OTOGL: variants seen among roughly 807,000 people sequenced by gnomAD.
The protein encoded by OTOGL is otogelin-like protein.
In OTOGL, 285 loss-of-function variants were observed where a neutral mutation model predicts 318.5. The observed-to-expected ratio is 0.89, with a 90% CI of 0.81 to 0.99. The LOEUF is 0.99. OTOGL is among the 50% of genes least tolerant of loss of function. The pLI is 0.00. For synonymous variants in OTOGL, 987 were observed against 936.5 expected, an observed-to-expected ratio of 1.05 and a Z score of -0.99; for missense variants, 2,899 against 2,845.6, an observed-to-expected ratio of 1.02 and a Z score of -0.43.
In OTOGL at chr12:80,252,685, C is replaced by A. The variant is rs139332655; in HGVS notation, c.1285+484C>A. ...AAGAACACTGAGGATTTACTCAAACCCTTTTTATTTTTACAGATTAAAAAA... is the reference window on the plus strand; with the variant it reads ...AAGAACACTGAGGATTTACTCAAACACTTTTTATTTTTACAGATTAAAAAA... On this transcript the variant is annotated intron_variant, in intron 13 of 58. Coordinates refer to ENST00000547103, the MANE Select transcript of OTOGL (RefSeq NM_001378609.3). 9.9e-5 allele frequency among the ~76,000 whole-genome samples: 15 copies of A among 152,072 alleles called. No individual in the cohort carries two copies. In the East Asian group the frequency reaches 2.5e-3, roughly 25 times the overall value.
At chr12:80,109,164 G>A (rs1214089910) in intron 1 of OTOGL, among the ~76,000 whole-genome samples, 1 of 151,614 alleles carries the variant, frequency 6.6e-6, no homozygotes, top group Non-Finnish European at 1.5e-5. Flanking sequence ...AGAAGACTGA[G>A]TATGGAATGA....
At position 80,225,056 on chromosome 12, in the gene OTOGL, TAAA is replaced by T. The variant is rs1208068466; in HGVS notation, c.489+2815_489+2817del. Among the ~76,000 whole-genome samples the T allele has an allele frequency of 3.3e-5, 5 of 151,310 alleles. No homozygotes were observed. The East Asian group carries it at 9.7e-4, about 29-fold the overall frequency. The stretch of plus-strand genomic sequence containing the variant: ...ACTATGTAACCACAAAAATCAAAAA[TAAA>T]AAACTAAACAAAATAACAAATGTAT... On this transcript the variant is annotated intron_variant, in intron 7 of 58. Coordinates refer to ENST00000547103, the MANE Select transcript of OTOGL (RefSeq NM_001378609.3).
intron 44 of OTOGL, among the ~76,000 whole-genome samples, chr12:80,347,254 C>T (rs900164305): frequency 2.6e-5 from 4 of 152,102 alleles, no homozygotes; most frequent in South Asian, 2.1e-4. Flanking sequence ...CCCATCAACC[C>T]GTCATCTACA....
rs538136226 is a variant in OTOGL at position 80,201,398 on chromosome 12, G to C, written c.-19-8015G>C. 1.8e-4 allele frequency among the ~76,000 whole-genome samples: 28 copies of C among 152,188 alleles called. 1 individual carries two copies. The highest frequency in any genetic ancestry group is 3.5e-4 in the Non-Finnish European group (24 of 67,996). ...AGGGGGAGCAGGACTGTCACATAGC[G>C]AGAGAGGGAGCAAGAGAGCGAGGTG... On this transcript the variant is annotated intron_variant, in intron 1 of 58. Transcript: ENST00000547103.
chr12:80,353,004 G>A (rs1889647853), intron 45 of OTOGL, among the ~76,000 whole-genome samples: 1 of 152,124 alleles, frequency 6.6e-6, no homozygotes. Flanking sequence ...CATAATAGTT[G>A]ATTGTATATT....
chr12:80,264,176 A>G (rs923874948), intron 19 of OTOGL, among the ~76,000 whole-genome samples: 28 of 152,174 alleles, frequency 1.8e-4, no homozygotes, highest in African/African-American at 6.5e-4. Flanking sequence ...AAGGAAAACT[A>G]GGTCCACGAT....
intron 1 of OTOGL, among the ~76,000 whole-genome samples, chr12:80,168,118 T>C (rs964270856): frequency 2.0e-5 from 3 of 151,986 alleles, no homozygotes; most frequent in African/African-American, 7.2e-5. Flanking sequence ...CCACCACACC[T>C]GGCTATTTTT....
intron 1 of OTOGL, among the ~76,000 whole-genome samples, chr12:80,121,382 G>C (rs1264090040): frequency 6.6e-6 from 1 of 152,092 alleles, no homozygotes; most frequent in Admixed American, 6.6e-5. Flanking sequence ...TCCTCCTTCA[G>C]ATATTTTGGA....
chr12:80,215,776 T>C lies in OTOGL; in HGVS notation c.169-1822T>C, dbSNP rs146477496. Among the ~76,000 whole-genome samples, 721 of 152,222 alleles carry C rather than the reference T, an allele frequency of 4.7e-3. 3 individuals carry two copies. Among genetic ancestry groups the C allele is most frequent in the Middle Eastern group, 0.027 (8 of 292 alleles). ...TGTCCAGTAATATCCAGGGCTGTGTTAGATTTAGGCAGCCAGAAGCAATGT... is the reference window on the plus strand; with the variant it reads ...TGTCCAGTAATATCCAGGGCTGTGTCAGATTTAGGCAGCCAGAAGCAATGT... On this transcript the variant is annotated intron_variant, in intron 4 of 58. Transcript: ENST00000547103.
intron 47 of OTOGL, 172 bp from the exon 48 acceptor site, chr12:80,356,244 A>G (rs1377385222): frequency 3.2e-6 from 2 of 616,606 alleles, no homozygotes; most frequent in East Asian, 2.8e-5. Context: ...GCATTTTCAT[A>G]TATGGCCCAC....
intron 29 of OTOGL, among the ~76,000 whole-genome samples, 169 bp from the exon 30 acceptor site, chr12:80,310,442 T>G (rs1886554338): frequency 6.6e-6 from 1 of 152,248 alleles, no homozygotes. Flanking sequence ...TCAAAAATAA[T>G]ATATGCAATT....
intron 11 of OTOGL, among the ~76,000 whole-genome samples, chr12:80,241,542 C>T (rs1042937121): frequency 2.0e-5 from 3 of 151,994 alleles, no homozygotes; most frequent in South Asian, 4.1e-4. Context: ...TAAAATTGTT[C>T]TTATTCCACA....
intron 1 of OTOGL, among the ~76,000 whole-genome samples, chr12:80,112,709 C>CTTT (rs144605517): frequency 7.1e-6 from 1 of 140,220 alleles, no homozygotes. Flanking sequence ...AATTTTCTTT[C>CTTT]TTTTTTTTTT....
chr12:80,116,846 A>G (rs545976966), intron 1 of OTOGL, among the ~76,000 whole-genome samples: 39 of 152,288 alleles, frequency 2.6e-4, no homozygotes, highest in African/African-American at 9.1e-4. Context: ...CATCTTGGGA[A>G]AAAGAATTTA....
chr12:80,234,082 G>T (rs1439259973), intron 9 of OTOGL, among the ~76,000 whole-genome samples: 1 of 149,790 alleles, frequency 6.7e-6, no homozygotes, highest in Non-Finnish European at 1.5e-5. Flanking sequence ...TCAAGATGAG[G>T]TCTTGCTATT....
At chr12:80,145,584 A>G (rs1482829116) in intron 1 of OTOGL, among the ~76,000 whole-genome samples, 1 of 151,832 alleles carries the variant, frequency 6.6e-6, no homozygotes, top group South Asian at 2.1e-4. Flanking sequence ...GTTTTTTCCA[A>G]TTCCGTGAAG....
intron 1 of OTOGL, among the ~76,000 whole-genome samples, chr12:80,176,315 T>C (rs982312258): frequency 3.9e-5 from 6 of 152,200 alleles, no homozygotes; most frequent in Non-Finnish European, 8.8e-5. Flanking sequence ...GTACAACTTA[T>C]TAAGCCATCA....
intron 1 of OTOGL, among the ~76,000 whole-genome samples, chr12:80,151,306 C>T (rs960117382): frequency 6.6e-6 from 1 of 152,158 alleles, no homozygotes; most frequent in Admixed American, 6.5e-5. Flanking sequence ...CAAGACGAGC[C>T]TAAAGTATCC....
At chr12:80,256,827 G>A (rs1378127177) in intron 17 of OTOGL, among the ~76,000 whole-genome samples, 1 of 152,102 alleles carries the variant, frequency 6.6e-6, no homozygotes, top group Non-Finnish European at 1.5e-5. Flanking sequence ...TCTGAAAGAG[G>A]TGGGTGATTA....
Sources: gnomAD v4.1 joint callset for allele counts (sites outside exome capture counted in the v4.1 genomes callset) on GRCh38, gnomAD v4.1.1 for gene constraint, MANE v1.5 for transcripts, NCBI Gene and HGNC (gene_info 2026-07-23, HGNC 2026-07-21) for gene names.